SLC35F4: variants seen among roughly 807,000 people sequenced by gnomAD.
SLC35F4 encodes the protein solute carrier family 35 member F4.
A neutral mutation model predicts 44.2 loss-of-function variants in SLC35F4; 24 were observed. That is an observed-to-expected ratio of 0.54 (90% CI 0.39 to 0.76). The LOEUF (loss-of-function observed/expected upper bound fraction) is 0.76, where lower values mean the gene tolerates loss of function less well. SLC35F4 is among the 30% of genes least tolerant of loss of function. The pLI is 0.00. For missense variants in SLC35F4, 562 were observed against 586.1 expected (o/e 0.96, Z 0.42); for synonymous variants, 238 against 223.6 (o/e 1.06, Z -0.57).
chr14:57,628,375 T>A (rs1283685319), intron 1 of SLC35F4, among the ~76,000 whole-genome samples: 1 of 140,896 alleles, frequency 7.1e-6, no homozygotes, highest in Non-Finnish European at 1.5e-5. Context: ...GCTATACATG[T>A]GCCATGGCAG....
intron 1 of SLC35F4, among the ~76,000 whole-genome samples, chr14:57,873,396 ATAATG>A (rs1374920485): frequency 4.6e-5 from 7 of 152,234 alleles, no homozygotes; most frequent in Admixed American, 3.9e-4. Context: ...TAATAATAAA[ATAATG>A]TAATCAACTC....
intron 1 of SLC35F4, among the ~76,000 whole-genome samples, chr14:57,979,089 A>C (rs1881299286): frequency 6.6e-6 from 1 of 152,218 alleles, no homozygotes; most frequent in Non-Finnish European, 1.5e-5. Flanking sequence ...TAAGGACTCC[A>C]TCCCTCAGAG....
chr14:57,606,430 C>T (rs1273081717), intron 1 of SLC35F4, among the ~76,000 whole-genome samples: 1 of 152,144 alleles, frequency 6.6e-6, no homozygotes, highest in Non-Finnish European at 1.5e-5. Context: ...AAATAAGCAA[C>T]TGATTTTAAT....
intron 1 of SLC35F4, among the ~76,000 whole-genome samples, chr14:57,913,086 C>T (rs1356590346): frequency 6.6e-6 from 1 of 152,042 alleles, no homozygotes; most frequent in African/African-American, 2.4e-5. Context: ...GTACCCACTA[C>T]CACTTTCTTT....
At chr14:57,964,853 A>G (rs908551013) in intron 1 of SLC35F4, among the ~76,000 whole-genome samples, 1 of 151,750 alleles carries the variant, frequency 6.6e-6, no homozygotes, top group Non-Finnish European at 1.5e-5. Flanking sequence ...GTTTTTGGAG[A>G]AGGTCTTTGT....
intron 1 of SLC35F4, among the ~76,000 whole-genome samples, chr14:57,748,193 G>A (rs1190151996): frequency 2.6e-5 from 4 of 152,148 alleles, no homozygotes; most frequent in Non-Finnish European, 5.9e-5. Flanking sequence ...ACTGTCTTGA[G>A]TTTTTCACTG....
rs565796995 is a variant in SLC35F4, at chr14:57,888,686, T to G, written n.282+93227A>C. 3.9e-5 allele frequency among the ~76,000 whole-genome samples: 6 copies of G among 152,302 alleles called. No homozygotes were observed. The South Asian group carries it at 1.2e-3, about 32-fold the overall frequency. On this transcript the variant is annotated intron_variant and non_coding_transcript_variant, in intron 1 of 1. Transcript: ENST00000556568. ...AGCCATGATACAGAAGTTAAACGAT[T>G]TGTACTTTGTTTCAAATTGGAAAAA...
chr14:57,911,285 T>G (rs1889211731), intron 1 of SLC35F4, among the ~76,000 whole-genome samples: 3 of 152,022 alleles, frequency 2.0e-5, no homozygotes, highest in Admixed American at 2.0e-4. Context: ...TTTCCTTTAC[T>G]TGCCTTATTG....
intron 1 of SLC35F4, among the ~76,000 whole-genome samples, chr14:57,610,264 A>G (rs569868296): frequency 1.3e-4 from 20 of 152,340 alleles, no homozygotes; most frequent in African/African-American, 4.8e-4. Flanking sequence ...ATGTGCTAAT[A>G]TAATGACAAA....
chr14:57,830,196 T>C (rs1317088971), intron 1 of SLC35F4, among the ~76,000 whole-genome samples: 1 of 152,192 alleles, frequency 6.6e-6, no homozygotes, highest in Non-Finnish European at 1.5e-5. Flanking sequence ...TCTTCACATA[T>C]GTTGCCTTTT....
intron 1 of SLC35F4, among the ~76,000 whole-genome samples, chr14:57,682,974 G>A (rs2074955033): frequency 6.6e-6 from 1 of 152,084 alleles, no homozygotes; most frequent in Admixed American, 6.6e-5. Flanking sequence ...GTAGATTATT[G>A]GGCAGGTAAG....
rs1485858718 is a variant in SLC35F4, at chr14:57,840,577, G to C, written c.103+25146C>G. Among the ~76,000 whole-genome samples, 3 of 152,044 alleles carry C rather than the reference G, an allele frequency of 2.0e-5. No homozygotes were observed. The East Asian group carries it at 5.8e-4, about 29-fold the overall frequency. On this transcript the variant is annotated intron_variant, in intron 1 of 7. Transcript: ENST00000556826. Reference sequence around the variant, plus strand: ...ACGGGCTTTGACATTGATTCCCATGGGTGTAGGCTCTCAAAATCTGAGTAC... The same window carrying C: ...ACGGGCTTTGACATTGATTCCCATGCGTGTAGGCTCTCAAAATCTGAGTAC...
intron 1 of SLC35F4, among the ~76,000 whole-genome samples, chr14:57,896,193 C>T (rs1302490218): frequency 1.3e-5 from 2 of 151,980 alleles, no homozygotes; most frequent in Non-Finnish European, 2.9e-5. Context: ...AATTAAGGAG[C>T]TAATCAGTAA....
intron 1 of SLC35F4, among the ~76,000 whole-genome samples, chr14:57,639,398 T>A (rs1329220324): frequency 1.3e-5 from 2 of 152,000 alleles, no homozygotes; most frequent in Admixed American, 1.3e-4. Flanking sequence ...AAGTCCCCAT[T>A]TTCCCCACCC....
At chr14:57,822,281 G>C (rs1883251277) in intron 1 of SLC35F4, among the ~76,000 whole-genome samples, 1 of 152,106 alleles carries the variant, frequency 6.6e-6, no homozygotes, top group Admixed American at 6.6e-5. Context: ...GTGTTTCTTG[G>C]CACCTTTCCA....
intron 5 of SLC35F4, 64 bp from the exon 6 acceptor site, chr14:57,570,044 A>G: frequency 1.4e-6 from 2 of 1,405,990 alleles, no homozygotes; most frequent in African/African-American, 1.4e-5. Flanking sequence ...CGTAAGTCTT[A>G]CTGTTCCATA....
intron 1 of SLC35F4, among the ~76,000 whole-genome samples, chr14:57,824,826 A>G (rs1367820174): frequency 1.3e-5 from 2 of 152,280 alleles, no homozygotes; most frequent in East Asian, 1.9e-4. Flanking sequence ...AGGGCCTTAG[A>G]GGCTATTGTA....
chr14:57,746,240 A>T (rs2076751207), intron 1 of SLC35F4, among the ~76,000 whole-genome samples: 1 of 152,194 alleles, frequency 6.6e-6, no homozygotes. Context: ...TAATTAAAAA[A>T]AAAAGAAAGT....
At chr14:57,588,542 G>C (rs1324213419) in intron 3 of SLC35F4, among the ~76,000 whole-genome samples, 1 of 152,188 alleles carries the variant, frequency 6.6e-6, no homozygotes, top group African/African-American at 2.4e-5. Context: ...CTATCCAAGA[G>C]GGGCTTACAG....
Sources: gnomAD v4.1 joint callset for allele counts (sites outside exome capture counted in the v4.1 genomes callset) on GRCh38, gnomAD v4.1.1 for gene constraint, MANE v1.5 for transcripts, NCBI Gene and HGNC (gene_info 2026-07-23, HGNC 2026-07-21) for gene names.